STAB2: variants seen among roughly 807,000 people sequenced by gnomAD.
STAB2 encodes stabilin-2.
A neutral mutation model predicts 338.1 loss-of-function variants in STAB2; 288 were observed. That is an observed-to-expected ratio of 0.85 (90% CI 0.77 to 0.94). The LOEUF (loss-of-function observed/expected upper bound fraction) is 0.94, where lower values mean the gene tolerates loss of function less well. STAB2 is among the 40% of genes least tolerant of loss of function. The probability of loss-of-function intolerance (pLI) is 0.00; values close to 1 mark genes in which losing one functional copy is unlikely to be tolerated. For missense variants in STAB2, 3,141 were observed against 3,210.1 expected, an observed-to-expected ratio of 0.98 and a Z score of 0.52; for synonymous variants, 1,202 against 1,193.3, an observed-to-expected ratio of 1.01 and a Z score of -0.15.
intron 3 of STAB2, among the ~76,000 whole-genome samples, chr12:103,606,720 C>A (rs1245222851): frequency 6.6e-6 from 1 of 152,194 alleles, no homozygotes; most frequent in Non-Finnish European, 1.5e-5. Flanking sequence ...CATGGTGGCT[C>A]ATACCTGTAA....
intron 58 of STAB2, among the ~76,000 whole-genome samples, chr12:103,748,605 TACACAC>T (rs71097994): frequency 0.013 from 1,799 of 141,496 alleles, 25 homozygotes; most frequent in Middle Eastern, 0.032. Context: ...CACACACACA[TACACAC>T]ACACACACAC....
Position 103,761,299 on chromosome 12 carries a change from G to C in STAB2, c.7249-1G>C. On this transcript the variant is annotated splice_acceptor_variant, in intron 65 of 68. Coordinates refer to ENST00000388887, the MANE Select transcript of STAB2 (RefSeq NM_017564.10). LOFTEE classifies it high-confidence loss of function. ...CATCAACCCTCTTCTCATTTCCCTA[G>C]ACGGAGACCAGGTTTGTTGATGGAA... is the stretch of plus-strand genomic sequence containing the variant. 1 of 1,613,912 alleles carries C rather than the reference G, an allele frequency of 6.2e-7. No homozygotes were observed. Among genetic ancestry groups the C allele is most frequent in the South Asian group, 1.1e-5 (1 of 91,060 alleles).
intron 34 of STAB2, among the ~76,000 whole-genome samples, chr12:103,701,780 A>G (rs984447562): frequency 1.8e-4 from 27 of 152,046 alleles, no homozygotes; most frequent in African/African-American, 6.5e-4. Context: ...TTATCCCAAC[A>G]TCCAAATGGA....
intron 2 of STAB2, among the ~76,000 whole-genome samples, chr12:103,592,778 A>G (rs1044627783): frequency 2.2e-4 from 33 of 152,122 alleles, no homozygotes; most frequent in Non-Finnish European, 1.5e-5. Context: ...TAGGCACTAA[A>G]TCTCTAGAAT....
Position 103,731,635 on chromosome 12 carries a change from GGTAAAAATTTA to G in STAB2, c.5283+2_5283+12del, listed in dbSNP as rs780436696. The G allele has an allele frequency of 1.2e-6, 2 of 1,611,852 alleles. No individual in the cohort carries two copies. Among genetic ancestry groups the G allele is most frequent in the Non-Finnish European group, 1.7e-6 (2 of 1,179,412 alleles). ...ACATCAAATTTAGCAACTTAATACAGGTAAAAATTTAGGGGAAGTTGACTCAGAGGATAACC... is the reference window on the plus strand; with the variant it reads ...ACATCAAATTTAGCAACTTAATACAGGGGGAAGTTGACTCAGAGGATAACC... On this transcript the variant is annotated splice_donor_variant and splice_donor_5th_base_variant and intron_variant, in intron 50 of 68. Transcript: ENST00000388887. LOFTEE classifies it high-confidence loss of function.
At chr12:103,742,361 G>A in intron 55 of STAB2, 44 bp from the exon 56 acceptor site, 1 of 1,606,760 alleles carries the variant, frequency 6.2e-7, no homozygotes, top group Non-Finnish European at 8.5e-7. Context: ...GAGCTGCTCT[G>A]GCTTTGGGAG....
At position 103,749,103 on chromosome 12, in the gene STAB2, G is replaced by GCTGTGC; in HGVS notation, c.6385_6386insCTGTGC (p.Asp2129delinsAlaValHis). 1 of 1,613,610 alleles carries GCTGTGC rather than the reference G, an allele frequency of 6.2e-7. No homozygotes were observed. Among genetic ancestry groups the GCTGTGC allele is most frequent in the Non-Finnish European group, 8.5e-7 (1 of 1,179,742 alleles). On this transcript the variant is annotated protein_altering_variant, in exon 59 of 69. Coordinates refer to ENST00000388887, the MANE Select transcript of STAB2 (RefSeq NM_017564.10). ...CTGCACAGAGATAGACCCCTGTGCA[G>GCTGTGC]ACGGCCTTAACGGAGGGTGTCACGA...
chr12:103,711,592 C>T, intron 40 of STAB2, 76 bp downstream of exon 40: 2 of 1,513,784 alleles, frequency 1.3e-6, no homozygotes, highest in Non-Finnish European at 1.8e-6. Flanking sequence ...TAGTCTCTAT[C>T]CTCAGGGGAT....
At chr12:103,589,012 T>A (rs1247462955) in intron 1 of STAB2, among the ~76,000 whole-genome samples, 1 of 152,188 alleles carries the variant, frequency 6.6e-6, no homozygotes, top group Non-Finnish European at 1.5e-5. Context: ...GACCAGTAAC[T>A]CACAGGGTGA....
chr12:103,622,074 T>C lies in STAB2; in HGVS notation c.450T>C (p.Cys150=). ...TTGGTGGAACAGCCTGTGAAACCTG[T>C]GCTGACGACAACTTATTTGGACCCA... ...EGFGGTACET[C]ADDNLFGPSC... Residue 150 remains cysteine, a synonymous_variant, in exon 5 of 69, where the codon TGT becomes TGC. Coordinates refer to ENST00000388887, the MANE Select transcript of STAB2 (RefSeq NM_017564.10). 1 of 1,614,232 alleles carries C rather than the reference T, an allele frequency of 6.2e-7. No homozygotes were observed. The highest frequency in any genetic ancestry group is 1.1e-5 in the South Asian group (1 of 91,086).
At chr12:103,659,381 T>C (rs2138763129) in intron 15 of STAB2, among the ~76,000 whole-genome samples, 1 of 152,344 alleles carries the variant, frequency 6.6e-6, no homozygotes, top group East Asian at 1.9e-4. Context: ...AGCAGGGCTT[T>C]CTCTTAGCCT....
chr12:103,760,026 G>A (rs1884422635), intron 65 of STAB2, among the ~76,000 whole-genome samples: 1 of 152,228 alleles, frequency 6.6e-6, no homozygotes, highest in Non-Finnish European at 1.5e-5. Flanking sequence ...GTGGATATGA[G>A]TGGAAGATAA....
rs1397373192 is a variant in STAB2 at position 103,668,689 on chromosome 12, T to C, written c.2132T>C (p.Leu711Pro). ...GTCTACAGTGGCAGGTTTGGGAGCC[T>C]GAAGAGCGGCTGTGCCCGGTACTGC... The part of the protein sequence containing the change: ...RCVYSGRFGS[L>P]KSGCARYCNA... Residue 711 changes from leucine (L) to proline (P), a missense_variant, in exon 20 of 69, where the codon CTG (leucine) becomes CCG (proline). By Grantham distance (98) the Leu-to-Pro change is moderately conservative. Coordinates refer to ENST00000388887, the MANE Select transcript of STAB2 (RefSeq NM_017564.10). The C allele has an allele frequency of 1.2e-5, 18 of 1,550,516 alleles. No homozygotes were observed. The highest frequency in any genetic ancestry group is 1.5e-5 in the Non-Finnish European group (17 of 1,146,732).
Position 103,704,594 on chromosome 12 carries a change from C to G in STAB2, c.3880C>G (p.Pro1294Ala), listed in dbSNP as rs1005873482. ...GACATGCTCCTCAGAGCTGACCTGC[C>G]CATTCGGAACTAAATCTCTAGTAAG... ...CRTCSSELTC[P>A]FGTKSLGNEK... Residue 1294 changes from proline (P) to alanine (A), a missense_variant, in exon 36 of 69, where the codon CCA becomes GCA. Pro to Ala is a conservative substitution (Grantham distance 27). Transcript: ENST00000388887. 6 of 1,613,610 alleles carry G rather than the reference C, an allele frequency of 3.7e-6. No homozygotes were observed. Among genetic ancestry groups the G allele is most frequent in the Non-Finnish European group, 5.1e-6 (6 of 1,179,840 alleles).
intron 36 of STAB2, among the ~76,000 whole-genome samples, chr12:103,705,181 T>A (rs774639780): frequency 3.9e-5 from 6 of 152,258 alleles, no homozygotes; most frequent in African/African-American, 4.8e-5. Context: ...TTTTAATCTA[T>A]AACAACCATA....
chr12:103,624,246 G>A (rs532222037), intron 5 of STAB2, among the ~76,000 whole-genome samples: 102 of 152,286 alleles, frequency 6.7e-4, no homozygotes, highest in African/African-American at 2.2e-3. Flanking sequence ...TACCTTCTAC[G>A]TGCTGCCTGC....
rs752569197 is a variant in STAB2 at position 103,742,433 on chromosome 12, T to A, written c.5910T>A (p.Cys1970Ter). The A allele has an allele frequency of 6.2e-7, 1 of 1,614,138 alleles. No homozygotes were observed. The highest frequency in any genetic ancestry group is 8.5e-7 in the Non-Finnish European group (1 of 1,180,014). Reference sequence around the variant, plus strand: ...GCCCTGGAGGACCAGATGCCCCGTGTAATAACCGGGGTGTCTGCCTTGATC... The same window carrying A: ...GCCCTGGAGGACCAGATGCCCCGTGAAATAACCGGGGTGTCTGCCTTGATC... ...QACPGGPDAP[C>*]NNRGVCLDQY... Residue 1970 changes from cysteine (C) to a stop codon, truncating the protein, a stop_gained, in exon 56 of 69, where the codon TGT (cysteine) becomes TGA (stop). Transcript: ENST00000388887. LOFTEE classifies it high-confidence loss of function.
At chr12:103,727,990 C>T (rs1881345690) in intron 47 of STAB2, among the ~76,000 whole-genome samples, 1 of 152,126 alleles carries the variant, frequency 6.6e-6, no homozygotes, top group African/African-American at 2.4e-5. Context: ...ACTGTACACC[C>T]AGCCTCTCCA....
intron 6 of STAB2, among the ~76,000 whole-genome samples, chr12:103,636,187 T>C (rs769446429): frequency 1.0e-4 from 15 of 149,402 alleles, no homozygotes; most frequent in Non-Finnish European, 1.9e-4. Context: ...CCTAATGCTA[T>C]CCATCCCCCC....
Sources: gnomAD v4.1 joint callset for allele counts (sites outside exome capture counted in the v4.1 genomes callset) on GRCh38, gnomAD v4.1.1 for gene constraint, MANE v1.5 for transcripts, NCBI Gene and HGNC (gene_info 2026-07-23, HGNC 2026-07-21) for gene names.